Variants in DTNA observed in about 807,000 individuals in gnomAD.
DTNA encodes the protein dystrophin-related protein 3.
A neutral mutation model predicts 100.7 loss-of-function variants in DTNA; 43 were observed. The ratio of observed to expected loss-of-function variants is 0.43; its 90% CI spans 0.33 to 0.55. The LOEUF is 0.55. Among genes scored for constraint, DTNA ranks in the 20% least tolerant of loss-of-function variants. DTNA has a pLI of 0.04. For synonymous variants in DTNA, 349 were observed against 347.9 expected, an observed-to-expected ratio of 1.00 and a Z score of -0.04; for missense variants, 798 against 953.9, an observed-to-expected ratio of 0.84 and a Z score of 2.15.
chr18:34,651,029 A>G (rs932079102), intron 1 of DTNA, among the ~76,000 whole-genome samples: 2 of 152,158 alleles, frequency 1.3e-5, no homozygotes, highest in Admixed American at 1.3e-4. Flanking sequence ...GCTCATTGTC[A>G]TCTTTTCCAG....
intron 1 of DTNA, among the ~76,000 whole-genome samples, chr18:34,691,663 C>T (rs2079785261): frequency 6.6e-6 from 1 of 152,132 alleles, no homozygotes; most frequent in Admixed American, 6.6e-5. Context: ...CTTTGCTTCC[C>T]ATCAGCTGAT....
intron 1 of DTNA, among the ~76,000 whole-genome samples, chr18:34,675,951 G>T (rs994853824): frequency 1.4e-4 from 22 of 152,242 alleles, no homozygotes; most frequent in African/African-American, 5.1e-4. Flanking sequence ...GGCAGTACAG[G>T]GGAATATATC....
intron 1 of DTNA, among the ~76,000 whole-genome samples, chr18:34,632,878 A>T (rs188677953): frequency 6.6e-6 from 1 of 152,298 alleles, no homozygotes; most frequent in East Asian, 1.9e-4. Context: ...CTAAATTAAG[A>T]GTTAGTATAT....
chr18:34,795,376 T>C (rs140901266), intron 4 of DTNA, among the ~76,000 whole-genome samples: 316 of 152,362 alleles, frequency 2.1e-3, no homozygotes, highest in African/African-American at 7.4e-3. Flanking sequence ...TGAGAAATTC[T>C]TCAGTTAAAA....
At chr18:34,777,710 A>C (rs1331576175) in intron 3 of DTNA, among the ~76,000 whole-genome samples, 1 of 152,164 alleles carries the variant, frequency 6.6e-6, no homozygotes, top group Non-Finnish European at 1.5e-5. Context: ...AACACTTATA[A>C]AACCATCAGC....
chr18:34,649,594 A>C (rs375572516), intron 1 of DTNA, among the ~76,000 whole-genome samples: 1 of 152,218 alleles, frequency 6.6e-6, no homozygotes, highest in Non-Finnish European at 1.5e-5. Context: ...GCTTATTTGC[A>C]TTCTGGAGAA....
At chr18:34,599,086 AC>A in intron 1 of DTNA, among the ~76,000 whole-genome samples, 1 of 152,320 alleles carries the variant, frequency 6.6e-6, no homozygotes, top group Non-Finnish European at 1.5e-5. Flanking sequence ...AGGCTTTGAT[AC>A]GCCAACTTCT....
intron 2 of DTNA, among the ~76,000 whole-genome samples, chr18:34,764,897 A>T (rs1245536998): frequency 1.3e-5 from 2 of 152,228 alleles, no homozygotes; most frequent in Non-Finnish European, 2.9e-5. Flanking sequence ...AAATATGTAG[A>T]AATGGAGAAA....
At chr18:34,674,901 T>A (rs1010988407) in intron 1 of DTNA, among the ~76,000 whole-genome samples, 1 of 152,024 alleles carries the variant, frequency 6.6e-6, no homozygotes, top group African/African-American at 2.4e-5. Context: ...AAGAGTGGTG[T>A]GGCAGCACTA....
intron 1 of DTNA, among the ~76,000 whole-genome samples, chr18:34,503,808 A>G (rs2144683382): frequency 6.6e-6 from 1 of 151,052 alleles, no homozygotes; most frequent in Non-Finnish European, 1.5e-5. Flanking sequence ...AGTGTTTTTA[A>G]GTGTATCACT....
At chr18:34,638,234 A>AAG (rs2058864583) in intron 1 of DTNA, among the ~76,000 whole-genome samples, 1 of 152,200 alleles carries the variant, frequency 6.6e-6, no homozygotes, top group Non-Finnish European at 1.5e-5. Context: ...AAGTGGAATT[A>AAG]TTGTTAAGTC....
chr18:34,860,234 T>G lies in DTNA; in HGVS notation c.1646+1836T>G, dbSNP rs988399228. 3.5e-4 allele frequency among the ~76,000 whole-genome samples: 48 copies of G among 138,684 alleles called. 1 individual carries two copies. The highest frequency in any genetic ancestry group is 8.8e-4 in the African/African-American group (33 of 37,350). The allele number at this position is 138,684 out of a possible 152,430, so 91.0% of individuals were successfully genotyped here. A position where few individuals can be genotyped will look rare whatever the true frequency, so the allele number is the denominator to read the frequency against. On this transcript the variant is annotated intron_variant, in intron 16 of 22. Transcript: ENST00000444659. ...GCTAATTTTTTGTTTTTTTTTTTTT[T>G]TTTTTTTTTTTTTTTGGAGAGACGG...
chr18:34,600,490 G>A (rs578206577), intron 1 of DTNA, among the ~76,000 whole-genome samples: 3 of 152,284 alleles, frequency 2.0e-5, no homozygotes, highest in Non-Finnish European at 2.9e-5. Flanking sequence ...TGAATTCACT[G>A]AATTAATCAC....
intron 1 of DTNA, among the ~76,000 whole-genome samples, chr18:34,665,208 G>A (rs1599799965): frequency 6.6e-6 from 1 of 152,056 alleles, no homozygotes; most frequent in East Asian, 1.9e-4. Flanking sequence ...GTCTAACAAA[G>A]CAACCACCCA....
At chr18:34,699,998 C>T (rs2081147338) in intron 1 of DTNA, among the ~76,000 whole-genome samples, 1 of 152,094 alleles carries the variant, frequency 6.6e-6, no homozygotes, top group Non-Finnish European at 1.5e-5. Context: ...CTCTGGCGTT[C>T]AATTAATAGT....
chr18:34,832,570 C>G (rs932193065), intron 11 of DTNA, among the ~76,000 whole-genome samples: 1 of 152,098 alleles, frequency 6.6e-6, no homozygotes, highest in Non-Finnish European at 1.5e-5. Flanking sequence ...TTGATGATAC[C>G]TGGGTACAAT....
chr18:34,667,592 T>C (rs1375360623), intron 1 of DTNA, among the ~76,000 whole-genome samples: 3 of 152,280 alleles, frequency 2.0e-5, no homozygotes, highest in Middle Eastern at 3.4e-3. Context: ...TTTTTAGATA[T>C]GTCCCATCAA....
intron 1 of DTNA, among the ~76,000 whole-genome samples, chr18:34,656,410 ATGTCTGACAAT>A (rs552414033): frequency 2.6e-5 from 4 of 152,256 alleles, no homozygotes; most frequent in South Asian, 2.1e-4. Context: ...CTTACGGTAA[ATGTCTGACAAT>A]TGTGTCGTTT....
chr18:34,671,844 A>G (rs978911688), intron 1 of DTNA, among the ~76,000 whole-genome samples: 4 of 152,182 alleles, frequency 2.6e-5, no homozygotes, highest in Non-Finnish European at 5.9e-5. Flanking sequence ...AGTCTCTTAG[A>G]AGTGTGCAGT....
Sources: allele counts gnomAD v4.1 joint callset (sites outside exome capture counted in the v4.1 genomes callset), GRCh38; gene constraint gnomAD v4.1.1; transcripts MANE v1.5; gene names NCBI Gene and HGNC (gene_info 2026-07-23, HGNC 2026-07-21).